Variants in C5orf46 observed in about 807,000 individuals in gnomAD.
C5orf46 encodes the protein chromosome 5 open reading frame 46, also known as uncharacterized protein C5orf46.
C5orf46 carries 9 observed loss-of-function variants against 8.9 expected under a neutral mutation model. The ratio of observed to expected loss-of-function variants is 1.01; its 90% CI spans 0.61 to 1.76. The LOEUF is 1.76. Ranked by LOEUF, C5orf46 falls within the 40% of genes most tolerant of loss-of-function variation. C5orf46 has a pLI of 0.00. For synonymous variants in C5orf46, 47 were observed against 41.4 expected, an observed-to-expected ratio of 1.14 and a Z score of -0.52; for missense variants, 98 against 107.8, an observed-to-expected ratio of 0.91 and a Z score of 0.40.
chr5:147,890,033 C>A (rs1757479321), downstream of C5orf46, among the ~76,000 whole-genome samples: 1 of 152,160 alleles, frequency 6.6e-6, no homozygotes, highest in African/African-American at 2.4e-5. Flanking sequence ...GTCTTCAAAT[C>A]CTTTATCATT....
chr5:147,898,586 T>C (rs1757619150), intron 2 of C5orf46, among the ~76,000 whole-genome samples: 1 of 152,110 alleles, frequency 6.6e-6, no homozygotes, highest in African/African-American at 2.4e-5. Context: ...CATTAGATTA[T>C]AGGCAGTGTT....
chr5:147,900,887 T>A lies in C5orf46; in HGVS notation c.215+742A>T, dbSNP rs559720459. ...AGATTAATATGGGGAGAATAAAGCA[T>A]ACAGTGTAGTAGTGTCAAATCAAAA... On this transcript the variant is annotated intron_variant, in intron 2 of 3. Coordinates refer to ENST00000318315, the MANE Select transcript of C5orf46 (RefSeq NM_206966.3). 2.0e-4 allele frequency among the ~76,000 whole-genome samples: 30 copies of A among 152,306 alleles called. No individual in the cohort carries two copies. In the East Asian group the frequency reaches 5.4e-3, roughly 27 times the overall value.
At chr5:147,887,069 C>T (rs1757430726) in intron 2 of C5orf46, 1 of 152,100 alleles carries the variant, frequency 6.6e-6, no homozygotes, top group Non-Finnish European at 1.5e-5. Flanking sequence ...AGGGTCAAGC[C>T]ATGCAAGGTA....
chr5:147,894,936 ACCTGTAGTC>A (rs1757558380), intron 3 of C5orf46, among the ~76,000 whole-genome samples: 1 of 151,590 alleles, frequency 6.6e-6, no homozygotes, highest in Admixed American at 6.6e-5. Context: ...GGTGATGCAC[ACCTGTAGTC>A]CCAGCTACTC....
Position 147,906,530 on chromosome 5 carries a change from A to G in C5orf46, c.-29T>C. On this transcript the variant is annotated 5_prime_UTR_variant, in exon 1 of 4. Coordinates refer to ENST00000318315, the MANE Select transcript of C5orf46 (RefSeq NM_206966.3). ...GGTAGCACGGGGTATTCGTGCAGAT[A>G]AATTGTTCAGATACATGTGAAACAA... The G allele has an allele frequency of 6.5e-7, 1 of 1,542,010 alleles. No homozygotes were observed. Among genetic ancestry groups the G allele is most frequent in the Non-Finnish European group, 9.0e-7 (1 of 1,116,470 alleles).
At chr5:147,890,111 G>T (rs1261344597), downstream of C5orf46, among the ~76,000 whole-genome samples, 1 of 152,134 alleles carries the variant, frequency 6.6e-6, no homozygotes, top group Non-Finnish European at 1.5e-5. Flanking sequence ...GAGCATGAAT[G>T]GTTCTTTGTG....
At chr5:147,890,395 A>G (rs1757484069), downstream of C5orf46, among the ~76,000 whole-genome samples, 1 of 152,184 alleles carries the variant, frequency 6.6e-6, no homozygotes, top group African/African-American at 2.4e-5. Context: ...CACCAGAAAC[A>G]TTGAACAAAA....
At chr5:147,896,940 C>A in intron 3 of C5orf46, 44 bp downstream of exon 3, 1 of 1,009,750 alleles carries the variant, frequency 9.9e-7, no homozygotes, top group Middle Eastern at 2.9e-4. Flanking sequence ...TTCCTTTGTC[C>A]AATACACTGT....
At chr5:147,897,342 G>A (rs185146487) in intron 2 of C5orf46, among the ~76,000 whole-genome samples, 2 of 152,264 alleles carry the variant, frequency 1.3e-5, no homozygotes, top group African/African-American at 4.8e-5. Flanking sequence ...TTAGAACAGT[G>A]CATGGCAAAT....
At chr5:147,889,952 C>A (rs114385440), downstream of C5orf46, among the ~76,000 whole-genome samples, 1,069 of 152,276 alleles carry the variant, frequency 7.0e-3, 11 homozygotes, top group African/African-American at 0.024. Context: ...GAATGTCAAG[C>A]ATTGCCATAG....
At chr5:147,886,077 C>A (rs1580977850) in intron 2 of C5orf46, 1 of 152,162 alleles carries the variant, frequency 6.6e-6, no homozygotes, top group African/African-American at 2.4e-5. Context: ...ATGTCAAACC[C>A]CAAAGGTTAA....
intron 1 of C5orf46, among the ~76,000 whole-genome samples, chr5:147,902,405 C>A (rs960819293): frequency 6.6e-6 from 1 of 152,106 alleles, no homozygotes; most frequent in Non-Finnish European, 1.5e-5. Context: ...GAGCCATGAT[C>A]GTTCCACTGC....
At chr5:147,894,663 T>G (rs950798281) in intron 3 of C5orf46, among the ~76,000 whole-genome samples, 1 of 151,588 alleles carries the variant, frequency 6.6e-6, no homozygotes, top group Non-Finnish European at 1.5e-5. Flanking sequence ...GCTGAGTCCA[T>G]AAACTTCTCA....
In C5orf46 at chr5:147,903,116, C is replaced by G. The variant is rs1757696893; in HGVS notation, c.71-1343G>C. ...GACTTTGCTTGATTGTCTTTATTCCCAGGAGATGAGAAGAGATGGAAGAGT... is the reference window on the plus strand; with the variant it reads ...GACTTTGCTTGATTGTCTTTATTCCGAGGAGATGAGAAGAGATGGAAGAGT... On this transcript the variant is annotated intron_variant, in intron 1 of 3. Coordinates refer to ENST00000318315, the MANE Select transcript of C5orf46 (RefSeq NM_206966.3). Among the ~76,000 whole-genome samples the G allele has an allele frequency of 1.3e-5, 2 of 152,102 alleles. 1 individual carries two copies. Among genetic ancestry groups the G allele is most frequent in the South Asian group, 4.1e-4 (2 of 4,828 alleles).
downstream of C5orf46, among the ~76,000 whole-genome samples, chr5:147,889,689 C>T (rs1281435010): frequency 6.6e-6 from 1 of 152,106 alleles, no homozygotes; most frequent in African/African-American, 2.4e-5. Flanking sequence ...TCCTCTCACT[C>T]TCAAAATAAA....
intron 3 of C5orf46, among the ~76,000 whole-genome samples, chr5:147,893,202 A>G (rs907939284): frequency 2.0e-5 from 3 of 152,128 alleles, no homozygotes; most frequent in Non-Finnish European, 4.4e-5. Flanking sequence ...TAAACTCCTA[A>G]GGATAAGTTG....
downstream of C5orf46, among the ~76,000 whole-genome samples, chr5:147,891,171 G>T (rs1458169177): frequency 6.6e-6 from 1 of 152,088 alleles, no homozygotes; most frequent in African/African-American, 2.4e-5. Flanking sequence ...CTGAGCCTCA[G>T]TTTCTTCACC....
chr5:147,905,027 C>T, intron 1 of C5orf46, among the ~76,000 whole-genome samples: 1 of 151,388 alleles, frequency 6.6e-6, no homozygotes, highest in South Asian at 2.1e-4. Flanking sequence ...ATTTATAATT[C>T]ACTTTCTCCT....
At chr5:147,885,931 A>C (rs1250592441) in intron 2 of C5orf46, among the ~76,000 whole-genome samples, 1 of 152,212 alleles carries the variant, frequency 6.6e-6, no homozygotes, top group Non-Finnish European at 1.5e-5. Context: ...GAAACAACAC[A>C]GTTGTTCTTC....
Sources: allele counts gnomAD v4.1 joint callset (sites outside exome capture counted in the v4.1 genomes callset), GRCh38; gene constraint gnomAD v4.1.1; transcripts MANE v1.5; gene names NCBI Gene and HGNC (gene_info 2026-07-23, HGNC 2026-07-21).